The following NOX3 variants were observed in gnomAD, a reference collection of about 807,000 sequenced individuals.
The protein encoded by NOX3 is NADPH oxidase catalytic subunit-like 3.
NOX3 carries 74 observed loss-of-function variants against 76.7 expected under a neutral mutation model. The ratio of observed to expected loss-of-function variants is 0.96; its 90% confidence interval spans 0.80 to 1.17. The LOEUF is 1.17. NOX3 is among the 50% of genes most tolerant of loss of function. NOX3 has a pLI of 0.00. For synonymous variants in NOX3, 263 were observed against 261.1 expected, an observed-to-expected ratio of 1.01 and a Z score of -0.07; for missense variants, 695 against 703.3, an observed-to-expected ratio of 0.99 and a Z score of 0.13.
intron 13 of NOX3, among the ~76,000 whole-genome samples, chr6:155,396,409 A>G (rs1779138097): frequency 6.6e-6 from 1 of 152,148 alleles, no homozygotes. Flanking sequence ...AAGCAGCGTG[A>G]GTCTCCGTGT....
At chr6:155,418,676 C>T (rs1343034690) in intron 10 of NOX3, among the ~76,000 whole-genome samples, 2 of 148,324 alleles carry the variant, frequency 1.3e-5, no homozygotes, top group African/African-American at 2.5e-5. Flanking sequence ...CTACTTATGA[C>T]GCTTCCCACT....
chr6:155,400,639 A>C (rs576647193), intron 12 of NOX3, among the ~76,000 whole-genome samples: 1 of 108,550 alleles, frequency 9.2e-6, no homozygotes, highest in South Asian at 4.2e-4. Flanking sequence ...TGTGCTGGCC[A>C]GCTTTTTTTT....
intron 4 of NOX3, among the ~76,000 whole-genome samples, chr6:155,449,771 A>G (rs1777111193): frequency 6.6e-6 from 1 of 152,192 alleles, no homozygotes; most frequent in Non-Finnish European, 1.5e-5. Context: ...ATGTGGTCGC[A>G]CTTTTTCCAA....
intron 12 of NOX3, among the ~76,000 whole-genome samples, chr6:155,397,299 A>G (rs1779152515): frequency 6.6e-6 from 1 of 152,062 alleles, no homozygotes; most frequent in South Asian, 2.1e-4. Context: ...GGGACCATAC[A>G]GTCCATAGAG....
chr6:155,400,729 A>G (rs1159268258), intron 12 of NOX3, among the ~76,000 whole-genome samples: 2 of 150,600 alleles, frequency 1.3e-5, no homozygotes, highest in South Asian at 4.2e-4. Flanking sequence ...TCAGTTGCTC[A>G]TGAGTTGCTG....
intron 4 of NOX3, among the ~76,000 whole-genome samples, 167 bp from the exon 5 acceptor site, chr6:155,443,585 T>A (rs920201333): frequency 1.3e-5 from 2 of 152,194 alleles, no homozygotes; most frequent in Non-Finnish European, 2.9e-5. Flanking sequence ...GTGGAGTGGA[T>A]TGAATACTTC....
intron 12 of NOX3, among the ~76,000 whole-genome samples, chr6:155,404,717 A>C (rs1198632900): frequency 6.6e-6 from 1 of 151,918 alleles, no homozygotes; most frequent in Non-Finnish European, 1.5e-5. Flanking sequence ...CCTTCAAACC[A>C]TCTCTTCCCA....
intron 4 of NOX3, among the ~76,000 whole-genome samples, chr6:155,447,229 G>A (rs1206230149): frequency 1.3e-5 from 2 of 151,876 alleles, no homozygotes; most frequent in Non-Finnish European, 2.9e-5. Context: ...TAGAGATGGG[G>A]TTTCATCATG....
At chr6:155,436,172 T>C (rs1479448631) in intron 7 of NOX3, among the ~76,000 whole-genome samples, 1 of 152,216 alleles carries the variant, frequency 6.6e-6, no homozygotes, top group African/African-American at 2.4e-5. Context: ...CTGTTATGAA[T>C]TCCCACCATA....
At chr6:155,396,722 C>T in intron 13 of NOX3, 87 bp downstream of exon 13, 3 of 1,057,164 alleles carry the variant, frequency 2.8e-6, no homozygotes, top group Non-Finnish European at 4.0e-6. Context: ...TCGGACCATA[C>T]AGTGCATAGA....
intron 10 of NOX3, among the ~76,000 whole-genome samples, 170 bp downstream of exon 10, chr6:155,422,524 T>C (rs1244819160): frequency 6.6e-6 from 1 of 152,220 alleles, no homozygotes; most frequent in Non-Finnish European, 1.5e-5. Context: ...ATAACCCTAC[T>C]CATAAATGTA....
chr6:155,426,940 G>A (rs1488081696), intron 9 of NOX3, among the ~76,000 whole-genome samples: 1 of 150,942 alleles, frequency 6.6e-6, no homozygotes, highest in Non-Finnish European at 1.5e-5. Context: ...CCTTGGCGAT[G>A]CCAAGGGGAG....
In NOX3 at chr6:155,441,368, A is replaced by G. The variant is rs535021805; in HGVS notation, c.487-1231T>C. Among the ~76,000 whole-genome samples, 10 of 152,362 alleles carry G rather than the reference A, an allele frequency of 6.6e-5. No homozygotes were observed. The South Asian group carries it at 1.4e-3, about 22-fold the overall frequency. On this transcript the variant is annotated intron_variant, in intron 5 of 13. Transcript: ENST00000159060. ...AAGGGGTATGTCTCAAACATTTAAAATATTTTCTTCTCAAGTACCTTCAGG... is the reference window on the plus strand; with the variant it reads ...AAGGGGTATGTCTCAAACATTTAAAGTATTTTCTTCTCAAGTACCTTCAGG...
At chr6:155,416,784 G>T (rs1776627622) in intron 10 of NOX3, among the ~76,000 whole-genome samples, 1 of 128,152 alleles carries the variant, frequency 7.8e-6, no homozygotes, top group African/African-American at 3.1e-5. Flanking sequence ...GGAGTCTCGC[G>T]CTATCCTCCA....
intron 9 of NOX3, among the ~76,000 whole-genome samples, chr6:155,424,603 A>G (rs1362508540): frequency 1.3e-5 from 2 of 152,232 alleles, no homozygotes; most frequent in Non-Finnish European, 2.9e-5. Context: ...ATTATTCTAT[A>G]TGCCAGACTT....
In NOX3 at chr6:155,416,744, C is replaced by CTTTTTTTTT. The variant is rs534711414; in HGVS notation, c.1309-5393_1309-5385dup. Reference sequence around the variant, plus strand: ...GGACAACTGAAACATCTGAAACATTCTTTTTTTTTTTTTTTTTTTTTTTTG... The same window carrying CTTTTTTTTT: ...GGACAACTGAAACATCTGAAACATTCTTTTTTTTTTTTTTTTTTTTTTTTTTTTTTTTTG... On this transcript the variant is annotated intron_variant, in intron 10 of 13. Transcript: ENST00000159060. Among the ~76,000 whole-genome samples the CTTTTTTTTT allele has an allele frequency of 6.9e-3, 642 of 92,484 alleles. 35 individuals are homozygous for CTTTTTTTTT. Among genetic ancestry groups the CTTTTTTTTT allele is most frequent in the African/African-American group, 8.0e-3 (192 of 24,070 alleles). 60.7% of individuals were successfully genotyped at this position (92,484 alleles called of 152,430 possible). A position where few individuals can be genotyped will look rare whatever the true frequency, so the allele number is the denominator to read the frequency against.
chr6:155,420,341 A>G (rs1327904250), intron 10 of NOX3, among the ~76,000 whole-genome samples: 6 of 152,242 alleles, frequency 3.9e-5, no homozygotes, highest in Non-Finnish European at 7.3e-5. Flanking sequence ...CGTGGAAACC[A>G]TGAAGCAGTG....
At chr6:155,437,606 C>T (rs1056503213) in intron 6 of NOX3, among the ~76,000 whole-genome samples, 10 of 152,160 alleles carry the variant, frequency 6.6e-5, no homozygotes, top group African/African-American at 2.4e-4. Context: ...TGTAAATCTC[C>T]AATGTACAAA....
At chr6:155,427,528 C>T (rs1039648508) in intron 9 of NOX3, among the ~76,000 whole-genome samples, 38 of 152,144 alleles carry the variant, frequency 2.5e-4, no homozygotes, top group African/African-American at 8.7e-4. Flanking sequence ...CTGGAGATTC[C>T]GAGGAGGAAA....
Sources: allele counts gnomAD v4.1 joint callset (sites outside exome capture counted in the v4.1 genomes callset), GRCh38; gene constraint gnomAD v4.1.1; transcripts MANE v1.5; gene names NCBI Gene and HGNC (gene_info 2026-07-23, HGNC 2026-07-21).